LIMCH1: variants seen among roughly 807,000 people sequenced by gnomAD.
The protein encoded by LIMCH1 is LIM and calponin homology domains-containing protein 1.
In LIMCH1, 113 loss-of-function variants were observed where a neutral mutation model predicts 176.5. That is an observed-to-expected ratio of 0.64 (90% CI 0.55 to 0.75). The LOEUF (loss-of-function observed/expected upper bound fraction) is 0.75, where lower values mean the gene tolerates loss of function less well. Ranked by LOEUF, LIMCH1 falls within the 30% of genes least tolerant of loss-of-function variation. The probability of loss-of-function intolerance (pLI) is 0.00; values close to 1 mark genes in which losing one functional copy is unlikely to be tolerated. For missense variants in LIMCH1, 1,674 were observed against 1,814.9 expected (o/e 0.92, Z 1.41); for synonymous variants, 619 against 645.9 (o/e 0.96, Z 0.63).
chr4:41,621,635 C>T (rs920342547), intron 7 of LIMCH1, among the ~76,000 whole-genome samples: 38 of 151,956 alleles, frequency 2.5e-4, no homozygotes, highest in Non-Finnish European at 4.6e-4. Context: ...CCAAGTAGCT[C>T]GGATTACAAG....
intron 13 of LIMCH1, among the ~76,000 whole-genome samples, chr4:41,638,240 A>G (rs1465642070): frequency 1.3e-5 from 2 of 152,324 alleles, no homozygotes; most frequent in South Asian, 4.1e-4. Context: ...AGAGGGTACA[A>G]CTTTATGGAT....
intron 7 of LIMCH1, among the ~76,000 whole-genome samples, chr4:41,624,081 G>A (rs1249612856): frequency 2.0e-5 from 3 of 152,272 alleles, no homozygotes; most frequent in African/African-American, 7.2e-5. Context: ...GAACCAAGAT[G>A]CACTTCCCCT....
chr4:41,670,168 T>A (rs2094963954), intron 21 of LIMCH1, among the ~76,000 whole-genome samples: 1 of 152,244 alleles, frequency 6.6e-6, no homozygotes, highest in Non-Finnish European at 1.5e-5. Context: ...CTGATTTTTT[T>A]ATTGAAAATG....
intron 14 of LIMCH1, among the ~76,000 whole-genome samples, chr4:41,643,724 C>T (rs2093933467): frequency 1.3e-5 from 2 of 152,094 alleles, no homozygotes; most frequent in South Asian, 4.1e-4. Flanking sequence ...AATTAAATGA[C>T]TGTGTGCATA....
chr4:41,509,721 A>G (rs2074622482), intron 2 of LIMCH1, among the ~76,000 whole-genome samples: 1 of 152,222 alleles, frequency 6.6e-6, no homozygotes, highest in African/African-American at 2.4e-5. Context: ...AGATGAAAAC[A>G]GATGGAGAAC....
chr4:41,597,158 C>T (rs910440747), intron 1 of LIMCH1, among the ~76,000 whole-genome samples: 1 of 152,152 alleles, frequency 6.6e-6, no homozygotes, highest in African/African-American at 2.4e-5. Flanking sequence ...CCTGCATAGC[C>T]TCATCTTCCT....
At chr4:41,385,852 C>G (rs761363214) in intron 1 of LIMCH1, 9 of 152,238 alleles carry the variant, frequency 5.9e-5, no homozygotes, top group African/African-American at 2.2e-4. Context: ...TGCCAAAGAG[C>G]CTGTTGAATT....
At chr4:41,390,159 G>A (rs2057036639) in intron 1 of LIMCH1, among the ~76,000 whole-genome samples, 2 of 151,780 alleles carry the variant, frequency 1.3e-5, no homozygotes, top group South Asian at 4.2e-4. Context: ...TTGCTGTCCT[G>A]TGCCTCTCAC....
intron 1 of LIMCH1, among the ~76,000 whole-genome samples, chr4:41,410,470 C>T (rs1262819130): frequency 2.0e-5 from 3 of 152,114 alleles, no homozygotes; most frequent in African/African-American, 4.8e-5. Context: ...TTTTCCTGTT[C>T]CCATTACTGT....
At chr4:41,407,764 G>A (rs932211501) in intron 1 of LIMCH1, among the ~76,000 whole-genome samples, 6 of 152,270 alleles carry the variant, frequency 3.9e-5, no homozygotes, top group Admixed American at 3.9e-4. Context: ...CCACGTTGAG[G>A]CTTGGAGGGT....
At position 41,627,019 on chromosome 4, in the gene LIMCH1, G is replaced by GTGTGTGT. The variant is rs1554136112; in HGVS notation, c.1028+9_1028+10insTGTGTGT. On this transcript the variant is annotated intron_variant, in intron 8 of 31. Coordinates refer to ENST00000503057, the MANE Select transcript of LIMCH1 (RefSeq NM_001330672.2). Reference sequence around the variant, plus strand: ...AGTCTAGAATATAAAAGGTGTGCATGGTGTGTGTGTGTGTGTGTGTGTGTG... The same window carrying GTGTGTGT: ...AGTCTAGAATATAAAAGGTGTGCATGTGTGTGTGTGTGTGTGTGTGTGTGTGTGTGTG... 2 of 1,407,724 alleles carry GTGTGTGT rather than the reference G, an allele frequency of 1.4e-6. No homozygotes were observed. Among genetic ancestry groups the GTGTGTGT allele is most frequent in the African/African-American group, 3.3e-5 (2 of 60,400 alleles). 87.2% of individuals were successfully genotyped at this position (1,407,724 alleles called of 1,614,324 possible).
At chr4:41,587,638 G>T (rs1477446331) in intron 1 of LIMCH1, among the ~76,000 whole-genome samples, 3 of 152,084 alleles carry the variant, frequency 2.0e-5, no homozygotes, top group South Asian at 2.1e-4. Context: ...GCCCTGCTGG[G>T]TTATACTGGA....
At chr4:41,567,990 T>C (rs2083003158) in intron 1 of LIMCH1, among the ~76,000 whole-genome samples, 1 of 152,072 alleles carries the variant, frequency 6.6e-6, no homozygotes, top group African/African-American at 2.4e-5. Context: ...CCGGCTCTAC[T>C]AAAAATACAA....
At chr4:41,364,013 T>A (rs1255477960) in intron 1 of LIMCH1, among the ~76,000 whole-genome samples, 5 of 152,148 alleles carry the variant, frequency 3.3e-5, no homozygotes, top group Non-Finnish European at 5.9e-5. Context: ...GCATCCTAGG[T>A]TTGAGTCCAG....
intron 22 of LIMCH1, 62 bp from the exon 23 acceptor site, chr4:41,676,320 C>T (rs2095217501): frequency 7.3e-7 from 1 of 1,369,530 alleles, no homozygotes; most frequent in Admixed American, 1.8e-5. Flanking sequence ...GTCTACTCTT[C>T]ACCCGGCCTG....
At position 41,649,181 on chromosome 4, in the gene LIMCH1, C is replaced by T. The variant is rs185248357; in HGVS notation, c.2821-1212C>T. On this transcript the variant is annotated intron_variant, in intron 17 of 31. Transcript: ENST00000503057. The stretch of plus-strand genomic sequence containing the variant: ...TTGGGAGGCCGAGGCAGGCAGATCA[C>T]TTGAGACCAGGAGTTCGAGACCAGT... Among the ~76,000 whole-genome samples, 1,103 of 152,308 alleles carry T rather than the reference C, an allele frequency of 7.2e-3. 11 individuals carry two copies. Among genetic ancestry groups the T allele is most frequent in the South Asian group, 0.016 (78 of 4,828 alleles).
At chr4:41,516,320 G>A (rs2075579440) in intron 2 of LIMCH1, among the ~76,000 whole-genome samples, 1 of 152,146 alleles carries the variant, frequency 6.6e-6, no homozygotes, top group Non-Finnish European at 1.5e-5. Flanking sequence ...GTGCAGTTTG[G>A]GTGCAGTGGG....
intron 1 of LIMCH1, among the ~76,000 whole-genome samples, chr4:41,464,653 C>T (rs1261033622): frequency 1.3e-5 from 2 of 152,096 alleles, no homozygotes; most frequent in African/African-American, 2.4e-5. Context: ...GGGTTACAGG[C>T]GTGAACTACC....
chr4:41,637,247 G>A (rs2093631804), intron 13 of LIMCH1, among the ~76,000 whole-genome samples: 1 of 152,126 alleles, frequency 6.6e-6, no homozygotes, highest in Non-Finnish European at 1.5e-5. Flanking sequence ...GGAGTACAGT[G>A]GCGTGATCTC....
Sources: gnomAD v4.1 joint callset for allele counts (sites outside exome capture counted in the v4.1 genomes callset) on GRCh38, gnomAD v4.1.1 for gene constraint, MANE v1.5 for transcripts, NCBI Gene and HGNC (gene_info 2026-07-23, HGNC 2026-07-21) for gene names.